The following ESPNL variants were observed in gnomAD, a reference collection of about 807,000 sequenced individuals.
The protein encoded by ESPNL is espin like, also known as espin-like protein.
Under a neutral mutation model 46.8 loss-of-function variants are expected in ESPNL, and 49 were observed. That is an observed-to-expected ratio of 1.05 (90% CI 0.83 to 1.33). The LOEUF is 1.33. Ranked by LOEUF, ESPNL falls within the 40% of genes most tolerant of loss-of-function variation. ESPNL has a pLI of 0.00. For synonymous variants in ESPNL, 664 were observed against 662.1 expected (o/e 1.00, Z -0.04); for missense variants, 1,540 against 1,436.6 (o/e 1.07, Z -1.16).
chr2:238,119,382 T>TGGATGGAGGAGG (rs1691924429), intron 5 of ESPNL, among the ~76,000 whole-genome samples: 1 of 60,938 alleles, frequency 1.6e-5, no homozygotes, highest in Admixed American at 1.7e-4. Flanking sequence ...GATGAAGGAG[T>TGGATGGAGGAGG]TGGATGCAGG....
At chr2:238,126,873 GTGTC>G (rs973455147) in intron 6 of ESPNL, among the ~76,000 whole-genome samples, 1 of 149,856 alleles carries the variant, frequency 6.7e-6, no homozygotes, top group African/African-American at 2.5e-5. Flanking sequence ...GTGTGTGATT[GTGTC>G]TGTATGTCTG....
rs372989769 is a variant in ESPNL at position 238,124,911 on chromosome 2, C to A, written c.988-359C>A. On this transcript the variant is annotated intron_variant, in intron 5 of 8. Coordinates refer to ENST00000343063, the MANE Select transcript of ESPNL (RefSeq NM_194312.4). ...CACATGTCTTTGTGAGACCACAGGGCGCTGGGCACAGCTGGAAACCAGGCC... is the reference window on the plus strand; with the variant it reads ...CACATGTCTTTGTGAGACCACAGGGAGCTGGGCACAGCTGGAAACCAGGCC... Among the ~76,000 whole-genome samples the A allele has an allele frequency of 2.0e-5, 3 of 152,142 alleles. No homozygotes were observed. In the South Asian group the frequency reaches 6.2e-4, roughly 31 times the overall value.
At position 238,133,042 on chromosome 2, in the gene ESPNL, C is replaced by T. The variant is rs1392175094; in HGVS notation, c.*1310C>T. 3 of 152,192 alleles carry T rather than the reference C, an allele frequency of 2.0e-5. No homozygotes were observed. The highest frequency in any genetic ancestry group is 4.4e-5 in the Non-Finnish European group (3 of 68,052). The allele number at this position is 152,192 out of a possible 1,614,324, so 9.4% of individuals were successfully genotyped here. On this transcript the variant is annotated 3_prime_UTR_variant, in exon 9 of 9. Transcript: ENST00000343063. Reference sequence around the variant, plus strand: ...GTTGGATGGAACAGAGAGACCCTCGCAGCTGACTAGGGCCCAAGGGGACGG... The same window carrying T: ...GTTGGATGGAACAGAGAGACCCTCGTAGCTGACTAGGGCCCAAGGGGACGG...
At chr2:238,126,479 A>C (rs186249944) in intron 6 of ESPNL, among the ~76,000 whole-genome samples, 4,594 of 140,356 alleles carry the variant, frequency 0.033, 109 homozygotes, top group Middle Eastern at 0.11. Context: ...TATCTGTGTG[A>C]TTGTGTGTCT....
chr2:238,128,585 C>T (rs1692195848), intron 7 of ESPNL, 122 bp from the exon 8 acceptor site: 5 of 885,644 alleles, frequency 5.6e-6, no homozygotes, highest in Admixed American at 2.5e-5. Flanking sequence ...ACTGTCCCTC[C>T]TCTCAGGGCG....
chr2:238,115,690 G>A (rs1453783174), intron 4 of ESPNL, among the ~76,000 whole-genome samples: 1 of 152,222 alleles, frequency 6.6e-6, no homozygotes, highest in African/African-American at 2.4e-5. Context: ...CAACTTGTTT[G>A]AGGTGGAGTT....
intron 8 of ESPNL, chr2:238,129,291 G>C (rs1218150045): frequency 4.6e-6 from 5 of 1,088,702 alleles, no homozygotes; most frequent in Non-Finnish European, 5.6e-6. Context: ...AGCAGTTGGG[G>C]GACTATGATA....
intron 2 of ESPNL, among the ~76,000 whole-genome samples, chr2:238,102,812 CG>C (rs1164939369): frequency 6.6e-6 from 1 of 152,184 alleles, no homozygotes; most frequent in East Asian, 1.9e-4. Context: ...TGGCTGAGGG[CG>C]AACCTTCCTG....
intron 4 of ESPNL, among the ~76,000 whole-genome samples, chr2:238,116,568 G>T (rs1347631907): frequency 6.6e-6 from 1 of 152,192 alleles, no homozygotes; most frequent in African/African-American, 2.4e-5. Flanking sequence ...CACCTCCAAG[G>T]GTGGCAAACA....
In ESPNL at chr2:238,131,908, G is replaced by C. The variant is rs1332426065; in HGVS notation, c.*176G>C. The C allele has an allele frequency of 1.4e-6, 1 of 694,486 alleles. No homozygotes were observed. Among genetic ancestry groups the C allele is most frequent in the Non-Finnish European group, 2.3e-6 (1 of 426,900 alleles). 43.0% of individuals were successfully genotyped at this position (694,486 alleles called of 1,614,324 possible). The stretch of plus-strand genomic sequence containing the variant: ...TGTGGCATGGTTCTCCTCCGAGCTG[G>C]GACTCAGACTCCTTCTCACCACTGC... On this transcript the variant is annotated 3_prime_UTR_variant, in exon 9 of 9. Coordinates refer to ENST00000343063, the MANE Select transcript of ESPNL (RefSeq NM_194312.4).
At chr2:238,103,098 C>T (rs935413) in intron 2 of ESPNL, among the ~76,000 whole-genome samples, 16,176 of 152,224 alleles carry the variant, frequency 0.11, 1,708 homozygotes, top group African/African-American at 0.27. Context: ...CAGACCCACA[C>T]GGCTTTTAAA....
At chr2:238,106,980 G>A (rs1322079299) in intron 3 of ESPNL, among the ~76,000 whole-genome samples, 1 of 152,236 alleles carries the variant, frequency 6.6e-6, no homozygotes, top group East Asian at 1.9e-4. Context: ...AAGGCGACGG[G>A]CTGCTGGCGG....
At chr2:238,117,590 G>A (rs1189346248) in intron 5 of ESPNL, among the ~76,000 whole-genome samples, 1 of 152,252 alleles carries the variant, frequency 6.6e-6, no homozygotes, top group Non-Finnish European at 1.5e-5. Flanking sequence ...GAAGGCAGCA[G>A]ATTCCAGCCC....
intron 6 of ESPNL, among the ~76,000 whole-genome samples, chr2:238,126,672 GTGAT>G (rs1679698491): frequency 6.6e-6 from 1 of 151,354 alleles, no homozygotes; most frequent in South Asian, 2.1e-4. Flanking sequence ...TTGTGTCTGT[GTGAT>G]TGTGTGTATG....
intron 3 of ESPNL, 140 bp from the exon 4 acceptor site, chr2:238,107,651 T>C (rs1278091611): frequency 7.0e-6 from 6 of 857,198 alleles, no homozygotes; most frequent in Non-Finnish European, 1.1e-5. Context: ...CAGCCAGCCC[T>C]GTCCGGGGTT....
chr2:238,107,832 G>A lies in ESPNL; in HGVS notation c.714G>A (p.Glu238=), dbSNP rs138808564. Residue 238 remains glutamate, a synonymous_variant, in exon 4 of 9, where the codon GAG becomes GAA. Transcript: ENST00000343063. ...TDIGLTARDN[E]GATALHFAAR... ...TCGGACTCACGGCACGGGACAATGA[G>A]GGGGCCACGGCCCTGCACTTTGCAG... The A allele has an allele frequency of 3.2e-4, 512 of 1,606,112 alleles. 3 individuals are homozygous for A. In the Middle Eastern group the frequency reaches 3.8e-3, roughly 12 times the overall value.
rs1460442150 is a variant in ESPNL, at chr2:238,130,330, C to T, written c.1616C>T (p.Ala539Val). The part of the protein sequence containing the change: ...ELGRLAAELQ[A>V]LLPEPLVSIT... The stretch of plus-strand genomic sequence containing the variant: ...GGCCGGTTGGCGGCTGAGCTGCAGG[C>T]CCTGCTGCCCGAGCCCCTGGTCAGC... The change falls in exon 9 of 9, where the codon GCC (alanine) becomes GTC (valine). Residue 539 changes from alanine to valine, a missense_variant. By Grantham distance (64) the Ala-to-Val change is moderately conservative. Coordinates refer to ENST00000343063, the MANE Select transcript of ESPNL (RefSeq NM_194312.4). 1.2e-6 allele frequency: 2 copies of T among 1,607,332 alleles called. No homozygotes were observed. Among genetic ancestry groups the T allele is most frequent in the Admixed American group, 3.4e-5 (2 of 59,296 alleles).
intron 8 of ESPNL, 110 bp downstream of exon 8, chr2:238,129,014 G>GC: frequency 1.4e-6 from 2 of 1,448,214 alleles, no homozygotes; most frequent in Non-Finnish European, 1.8e-6. Context: ...AGACCCAGGG[G>GC]CCCCTCTCCT....
intron 4 of ESPNL, among the ~76,000 whole-genome samples, chr2:238,108,731 G>A (rs1691655850): frequency 6.6e-6 from 1 of 152,186 alleles, no homozygotes; most frequent in Admixed American, 6.5e-5. Flanking sequence ...ATTTTAAGTG[G>A]AAGTGCAACC....
Sources: allele counts gnomAD v4.1 joint callset (sites outside exome capture counted in the v4.1 genomes callset), GRCh38; gene constraint gnomAD v4.1.1; transcripts MANE v1.5; gene names NCBI Gene and HGNC (gene_info 2026-07-23, HGNC 2026-07-21).